SMC5: variants seen among roughly 807,000 people sequenced by gnomAD.
SMC5 encodes the protein structural maintenance of chromosomes protein 5.
A neutral mutation model predicts 148.3 loss-of-function variants in SMC5; 88 were observed. That is an observed-to-expected ratio of 0.59 (90% CI 0.50 to 0.71). SMC5 has a LOEUF of 0.71. Among genes scored for constraint, SMC5 ranks in the 30% least tolerant of loss-of-function variants. The probability of loss-of-function intolerance (pLI) is 0.00; values close to 1 mark genes in which losing one functional copy is unlikely to be tolerated. For missense variants in SMC5, 1,142 were observed against 1,298.9 expected, an observed-to-expected ratio of 0.88 and a Z score of 1.86; for synonymous variants, 421 against 432.8, an observed-to-expected ratio of 0.97 and a Z score of 0.34.
intron 17 of SMC5, among the ~76,000 whole-genome samples, chr9:70,335,713 A>G (rs12156606): frequency 0.21 from 32,109 of 152,026 alleles, 3,517 homozygotes; most frequent in South Asian, 0.28. Flanking sequence ...TATTATCTTG[A>G]TGGTAATAGC....
intron 24 of SMC5, 144 bp from the exon 25 acceptor site, chr9:70,352,047 C>T: frequency 3.0e-6 from 2 of 673,926 alleles, no homozygotes; most frequent in Non-Finnish European, 4.6e-6. Context: ...CACCTCTGTA[C>T]TCCGGCCTGA....
intron 17 of SMC5, among the ~76,000 whole-genome samples, chr9:70,337,819 A>G (rs1351470303): frequency 6.6e-6 from 1 of 150,524 alleles, no homozygotes; most frequent in Non-Finnish European, 1.5e-5. Flanking sequence ...GTTTTTGGGG[A>G]GAGGGTTTTG....
Position 70,346,687 on chromosome 9 carries a change from T to C in SMC5, c.2568+38T>C, listed in dbSNP as rs1357199687. ...CATTCTTTTTTCCCAAGCTCCTGTTTTCCCTCTGCCTTGCTCCTCCCTAGC... is the reference window on the plus strand; with the variant it reads ...CATTCTTTTTTCCCAAGCTCCTGTTCTCCCTCTGCCTTGCTCCTCCCTAGC... On this transcript the variant is annotated intron_variant, in intron 19 of 24. Coordinates refer to ENST00000361138, the MANE Select transcript of SMC5 (RefSeq NM_015110.4). The C allele has an allele frequency of 3.1e-6, 5 of 1,609,488 alleles. No homozygotes were observed. In the South Asian group the frequency reaches 5.5e-5, roughly 18 times the overall value.
intron 10 of SMC5, among the ~76,000 whole-genome samples, chr9:70,302,890 A>G (rs2035397407): frequency 2.0e-5 from 3 of 152,274 alleles, no homozygotes; most frequent in South Asian, 2.1e-4. Context: ...ACCAGTTTAT[A>G]TACTCTGGGG....
At chr9:70,309,516 T>C (rs1255299601) in intron 11 of SMC5, among the ~76,000 whole-genome samples, 1 of 152,060 alleles carries the variant, frequency 6.6e-6, no homozygotes, top group Non-Finnish European at 1.5e-5. Flanking sequence ...TGTCATATTC[T>C]AAATCATTTG....
At chr9:70,304,674 G>A (rs2118464637) in intron 10 of SMC5, among the ~76,000 whole-genome samples, 1 of 152,230 alleles carries the variant, frequency 6.6e-6, no homozygotes, top group Non-Finnish European at 1.5e-5. Context: ...GTGACAGAGA[G>A]AGACTGTCTC....
chr9:70,323,452 T>G (rs752382882), intron 15 of SMC5, 31 bp from the exon 16 acceptor site: 2 of 1,560,394 alleles, frequency 1.3e-6, no homozygotes, highest in Non-Finnish European at 1.7e-6. Context: ...TGTTTAACAC[T>G]GATTTCTTCA....
chr9:70,347,220 C>A lies in SMC5; in HGVS notation c.2664+59C>A. The A allele has an allele frequency of 3.9e-6, 5 of 1,288,692 alleles. No homozygotes were observed. The East Asian group carries it at 7.0e-5, about 18-fold the overall frequency. 79.8% of individuals were successfully genotyped at this position (1,288,692 alleles called of 1,614,324 possible). On this transcript the variant is annotated intron_variant, in intron 20 of 24. Transcript: ENST00000361138. ...AACCACCACCACCACCCTCCCCATA[C>A]ACACACATACACACACAGAGTTCCC...
intron 17 of SMC5, among the ~76,000 whole-genome samples, chr9:70,341,206 G>A (rs1235468047): frequency 6.6e-6 from 1 of 152,090 alleles, no homozygotes; most frequent in Non-Finnish European, 1.5e-5. Flanking sequence ...AAACACATAT[G>A]TATAGAATAT....
chr9:70,270,889 C>T (rs1372881442), intron 3 of SMC5, among the ~76,000 whole-genome samples: 2 of 152,128 alleles, frequency 1.3e-5, no homozygotes, highest in African/African-American at 2.4e-5. Context: ...TCAAGTGATC[C>T]GCCCGCCTTG....
At chr9:70,285,831 T>A (rs968616636) in intron 7 of SMC5, among the ~76,000 whole-genome samples, 3 of 152,194 alleles carry the variant, frequency 2.0e-5, no homozygotes, top group Admixed American at 6.5e-5. Context: ...CAGACCTGAT[T>A]TTTTATAATT....
At chr9:70,273,487 G>A (rs1011114485) in intron 3 of SMC5, among the ~76,000 whole-genome samples, 2 of 151,344 alleles carry the variant, frequency 1.3e-5, no homozygotes, top group African/African-American at 4.9e-5. Flanking sequence ...GTATATCATG[G>A]TTTTCTATTT....
intron 8 of SMC5, among the ~76,000 whole-genome samples, chr9:70,291,845 ATT>A (rs139826418): frequency 2.1e-5 from 3 of 145,120 alleles, no homozygotes; most frequent in Non-Finnish European, 3.0e-5. Flanking sequence ...AAGTAATTGC[ATT>A]TTTTTTTTTT....
At chr9:70,259,357 T>TC in intron 1 of SMC5, 94 bp downstream of exon 1, 1 of 1,316,070 alleles carries the variant, frequency 7.6e-7, no homozygotes, top group South Asian at 1.6e-5. Flanking sequence ...CGTGTGGGTG[T>TC]GTACCTGGCT....
chr9:70,264,586 G>A (rs2034225139), intron 2 of SMC5, 141 bp downstream of exon 2: 1 of 726,114 alleles, frequency 1.4e-6, no homozygotes, highest in South Asian at 2.6e-5. Flanking sequence ...AGGTAGAGAA[G>A]CTAGAAGGAG....
intron 17 of SMC5, among the ~76,000 whole-genome samples, chr9:70,337,245 C>T (rs995995628): frequency 3.3e-5 from 5 of 152,074 alleles, no homozygotes; most frequent in African/African-American, 1.2e-4. Flanking sequence ...CTTAAGAAAA[C>T]GATTTGTTTG....
intron 14 of SMC5, 41 bp downstream of exon 14, chr9:70,318,728 T>G (rs954133344): frequency 3.8e-6 from 6 of 1,560,594 alleles, no homozygotes; most frequent in Non-Finnish European, 5.2e-6. Flanking sequence ...GAATATTAAC[T>G]GGATTTCTAA....
At chr9:70,314,628 G>A (rs931053398) in intron 11 of SMC5, 114 bp from the exon 12 acceptor site, 25 of 444,392 alleles carry the variant, frequency 5.6e-5, no homozygotes, top group Admixed American at 3.4e-4. Flanking sequence ...CTAATATGCC[G>A]TGTTCGAGTT....
chr9:70,306,193 A>G (rs922586202), intron 11 of SMC5, among the ~76,000 whole-genome samples: 1 of 152,070 alleles, frequency 6.6e-6, no homozygotes, highest in Admixed American at 6.5e-5. Flanking sequence ...CATGTCTTCT[A>G]TTTCTTTAAA....
Sources: gnomAD v4.1 joint callset for allele counts (sites outside exome capture counted in the v4.1 genomes callset) on GRCh38, gnomAD v4.1.1 for gene constraint, MANE v1.5 for transcripts, NCBI Gene and HGNC (gene_info 2026-07-23, HGNC 2026-07-21) for gene names.